The following LAMA3 variants were observed in gnomAD, a reference collection of about 807,000 sequenced individuals.
The protein encoded by LAMA3 is laminin subunit alpha-3.
A neutral mutation model predicts 402.0 loss-of-function variants in LAMA3; 281 were observed. That is an observed-to-expected ratio of 0.70 (90% CI 0.63 to 0.77). The LOEUF is 0.77. Among genes scored for constraint, LAMA3 ranks in the 30% least tolerant of loss-of-function variants. The pLI is 0.00. For missense variants in LAMA3, 3,840 were observed against 4,215.5 expected (o/e 0.91, Z 2.47); for synonymous variants, 1,431 against 1,558.4 (o/e 0.92, Z 1.93).
At chr18:23,919,371 C>G (rs1199858192) in intron 60 of LAMA3, among the ~76,000 whole-genome samples, 1 of 152,180 alleles carries the variant, frequency 6.6e-6, no homozygotes, top group African/African-American at 2.4e-5. Flanking sequence ...GTAGCTGATT[C>G]AAGTATATGT....
intron 62 of LAMA3, among the ~76,000 whole-genome samples, chr18:23,922,311 TATG>T (rs2081870733): frequency 6.6e-6 from 1 of 152,248 alleles, no homozygotes; most frequent in Non-Finnish European, 1.5e-5. Context: ...AAGGTTAGGT[TATG>T]ATGACTTTTA....
At chr18:23,911,265 C>T (rs180857372) in intron 55 of LAMA3, among the ~76,000 whole-genome samples, 2 of 152,046 alleles carry the variant, frequency 1.3e-5, no homozygotes, top group African/African-American at 4.8e-5. Context: ...GATTTAATGC[C>T]TTGCATATAC....
intron 67 of LAMA3, among the ~76,000 whole-genome samples, chr18:23,936,422 G>A (rs778491906): frequency 5.4e-5 from 7 of 130,678 alleles, no homozygotes; most frequent in Non-Finnish European, 1.1e-4. Context: ...GGTGTGTGAC[G>A]TTCCCCTTCC....
chr18:23,879,283 G>A lies in LAMA3; in HGVS notation c.5113-2653G>A, dbSNP rs1043582614. 2.6e-5 allele frequency among the ~76,000 whole-genome samples: 4 copies of A among 152,114 alleles called. No individual in the cohort carries two copies. Among genetic ancestry groups the A allele is most frequent in the Non-Finnish European group, 4.4e-5 (3 of 68,016 alleles). The stretch of plus-strand genomic sequence containing the variant: ...CCCCTTGCACTTCTGCCTTGGGCAC[G>A]CCCTTTGCTTTTCATTCCCTCCACA... On this transcript the variant is annotated intron_variant, in intron 39 of 74. Coordinates refer to ENST00000313654, the MANE Select transcript of LAMA3 (RefSeq NM_198129.4). This position sits in a 1 kb window ranked among gnomAD's most constrained non-coding sequence, Gnocchi z 4.2.
chr18:23,898,590 G>A (rs112765827), intron 44 of LAMA3, 148 bp from the exon 45 acceptor site: 343 of 668,758 alleles, frequency 5.1e-4, no homozygotes, highest in African/African-American at 4.8e-3. Flanking sequence ...GATTCCTTAT[G>A]TAACCTATTT....
At position 23,928,182 on chromosome 18, in the gene LAMA3, G is replaced by A; in HGVS notation, c.8237G>A (p.Gly2746Asp). ...GCMKNLKKTS[G>D]VVRLNDTVGV... ...ATGAAAAATTTGAAGAAAACCAGTG[G>A]TGTCGTTAGATTGAATGATACTGTG... is the stretch of plus-strand genomic sequence containing the variant. The change falls in exon 63 of 75, where the codon GGT becomes GAT. Residue 2746 changes from glycine to aspartate, a missense_variant. Physicochemically the swap from Gly to Asp is moderately conservative, Grantham distance 94. Transcript: ENST00000313654. The A allele has an allele frequency of 6.2e-7, 1 of 1,614,156 alleles. No homozygotes were observed. The highest frequency in any genetic ancestry group is 8.5e-7 in the Non-Finnish European group (1 of 1,179,976).
chr18:23,750,970 C>T lies in LAMA3; in HGVS notation c.737C>T (p.Ser246Phe), dbSNP rs1049945716. 6 of 1,614,116 alleles carry T rather than the reference C, an allele frequency of 3.7e-6. No homozygotes were observed. The highest frequency in any genetic ancestry group is 2.2e-5 in the South Asian group (2 of 91,070). Residue 246 changes from serine (S) to phenylalanine (F), a missense_variant, in exon 5 of 75, where the codon TCT (serine) becomes TTT (phenylalanine). Coordinates refer to ENST00000313654, the MANE Select transcript of LAMA3 (RefSeq NM_198129.4). Reference sequence around the variant, plus strand: ...CCAGGTGCAAAAAATTTTACTTTCTCTCACACCCTGAGGGAGTTTACCAAG... The same window carrying T: ...CCAGGTGCAAAAAATTTTACTTTCTTTCACACCCTGAGGGAGTTTACCAAG... ...GRPGAKNFTF[S>F]HTLREFTKAT...
chr18:23,725,267 G>A (rs1036696606), intron 2 of LAMA3, among the ~76,000 whole-genome samples: 1 of 152,030 alleles, frequency 6.6e-6, no homozygotes, highest in Non-Finnish European at 1.5e-5. Flanking sequence ...GGGCCACCAC[G>A]CCCAGCTAAT....
rs765655202 is a variant in LAMA3 at position 23,951,675 on chromosome 18, G to A, written c.9643-9G>A. ...CTGAAGGAAATAGGAAAATGCATGT[G>A]TGTTCCAGGTCACGGCCTCTATGGA... On this transcript the variant is annotated splice_polypyrimidine_tract_variant and intron_variant, in intron 72 of 74. Coordinates refer to ENST00000313654, the MANE Select transcript of LAMA3 (RefSeq NM_198129.4). 6.2e-7 allele frequency: 1 copy of A among 1,611,676 alleles called. No homozygotes were observed. Among genetic ancestry groups the A allele is most frequent in the Non-Finnish European group, 8.5e-7 (1 of 1,177,900 alleles).
chr18:23,851,826 G>GCTC, intron 32 of LAMA3, among the ~76,000 whole-genome samples: 1 of 152,098 alleles, frequency 6.6e-6, no homozygotes, highest in East Asian at 1.9e-4. Flanking sequence ...AGCTCTTTGA[G>GCTC]CTCCTGTCTC....
chr18:23,950,525 A>T (rs2145565352), intron 72 of LAMA3, among the ~76,000 whole-genome samples: 1 of 152,304 alleles, frequency 6.6e-6, no homozygotes, highest in South Asian at 2.1e-4. Context: ...ATTCTTACAG[A>T]TTCTTTCTTC....
At chr18:23,845,449 A>T (rs2063793606) in intron 30 of LAMA3, among the ~76,000 whole-genome samples, 1 of 152,188 alleles carries the variant, frequency 6.6e-6, no homozygotes. Flanking sequence ...TTCCTAAGAC[A>T]TACCACACAG....
At chr18:23,750,432 GTTTTTTTTTTTTTTTTTTTTTTTTT>G (rs66582854) in intron 4 of LAMA3, among the ~76,000 whole-genome samples, 1 of 33,008 alleles carries the variant, frequency 3.0e-5, no homozygotes, top group African/African-American at 1.3e-4. Flanking sequence ...GGTTTACACA[GTTTTTTTTTTTTTTTTTTTTTTTTT>G]TTTTTTTTTT....
chr18:23,878,268 T>C (rs896082413), intron 39 of LAMA3, among the ~76,000 whole-genome samples: 3 of 152,270 alleles, frequency 2.0e-5, no homozygotes, highest in African/African-American at 7.2e-5. Context: ...ATTCATATTT[T>C]AATCAAACAA....
chr18:23,820,928 G>A (rs560268548), intron 19 of LAMA3, among the ~76,000 whole-genome samples: 14 of 152,094 alleles, frequency 9.2e-5, no homozygotes, highest in Admixed American at 2.0e-4. Flanking sequence ...CCATCCAAGC[G>A]GCCTTTCTGA....
intron 11 of LAMA3, among the ~76,000 whole-genome samples, chr18:23,780,123 C>G (rs1368194547): frequency 1.3e-5 from 2 of 152,164 alleles, no homozygotes; most frequent in Non-Finnish European, 2.9e-5. Flanking sequence ...GAATTGCAGT[C>G]TTGAATACTT....
intron 41 of LAMA3, among the ~76,000 whole-genome samples, chr18:23,889,420 G>T (rs562882395): frequency 6.6e-6 from 1 of 152,108 alleles, no homozygotes; most frequent in African/African-American, 2.4e-5. Context: ...AAATTAGCCA[G>T]AAATGGTGGC....
chr18:23,950,905 G>T (rs931467476), intron 72 of LAMA3, among the ~76,000 whole-genome samples: 1 of 152,136 alleles, frequency 6.6e-6, no homozygotes, highest in Non-Finnish European at 1.5e-5. Context: ...AGGAGGAGCT[G>T]GAGAGAGTCT....
At chr18:23,952,236 A>C (rs909050107) in intron 73 of LAMA3, among the ~76,000 whole-genome samples, 1 of 152,198 alleles carries the variant, frequency 6.6e-6, no homozygotes, top group African/African-American at 2.4e-5. Context: ...TGGAAATTAA[A>C]TGGGACAATG....
Sources: gnomAD v4.1 joint callset for allele counts (sites outside exome capture counted in the v4.1 genomes callset) on GRCh38, gnomAD v4.1.1 for gene constraint, Gnocchi (gnomAD v3.1) non-coding constraint, MANE v1.5 for transcripts, NCBI Gene and HGNC (gene_info 2026-07-23, HGNC 2026-07-21) for gene names.